Variants in IGF2R observed in about 807,000 individuals in gnomAD.
IGF2R encodes insulin like growth factor 2 receptor.
A neutral mutation model predicts 270.6 loss-of-function variants in IGF2R; 91 were observed. The observed-to-expected ratio is 0.34, with a 90% CI of 0.28 to 0.40. IGF2R has a LOEUF of 0.40. Among genes scored for constraint, IGF2R ranks in the 10% least tolerant of loss-of-function variants. The pLI is 1.00. For synonymous variants in IGF2R, 1,316 were observed against 1,258.9 expected (o/e 1.05, Z -0.96); for missense variants, 2,805 against 3,188.3 (o/e 0.88, Z 2.90).
intron 2 of IGF2R, among the ~76,000 whole-genome samples, chr6:159,993,737 G>T (rs11754118): frequency 6.6e-6 from 1 of 151,996 alleles, no homozygotes; most frequent in East Asian, 1.9e-4. Flanking sequence ...ATGAATTTTA[G>T]GATTGTTTTT....
In IGF2R at chr6:160,102,482, C is replaced by T. The variant is rs1285905833; in HGVS notation, c.6843-37C>T. On this transcript the variant is annotated intron_variant, in intron 45 of 47. Coordinates refer to ENST00000356956, the MANE Select transcript of IGF2R (RefSeq NM_000876.4). This position sits in a 1 kb window ranked among gnomAD's most constrained non-coding sequence, Gnocchi z 4.5. ...GTTGTGGCTGTGGCAGCAGGACCAC[C>T]CTGTGACACGGCTCCTTTTCTGTGA... 1 of 1,598,272 alleles carries T rather than the reference C, an allele frequency of 6.3e-7. No homozygotes were observed.
chr6:160,092,348 AC>A (rs1779245728), intron 44 of IGF2R, among the ~76,000 whole-genome samples: 1 of 152,234 alleles, frequency 6.6e-6, no homozygotes. Context: ...AGGAGTCTTC[AC>A]GCTCCATCGC....
Position 160,106,278 on chromosome 6 carries a change from C to CCG in IGF2R, c.*1194_*1195insCG, listed in dbSNP as rs1779618523. 1 of 152,728 alleles carries CCG rather than the reference C, an allele frequency of 6.5e-6. No homozygotes were observed. The highest frequency in any genetic ancestry group is 1.5e-5 in the Non-Finnish European group (1 of 68,166). 9.5% of individuals were successfully genotyped at this position (152,728 alleles called of 1,614,324 possible). Reference sequence around the variant, plus strand: ...GTCACAGCATGGAGGAGGAGGGAGGCGCTGCTGGTGTTCTTATTCTGGCGG... The same window carrying CCG: ...GTCACAGCATGGAGGAGGAGGGAGGCCGGCTGCTGGTGTTCTTATTCTGGCGG... On this transcript the variant is annotated 3_prime_UTR_variant, in exon 48 of 48. Coordinates refer to ENST00000356956, the MANE Select transcript of IGF2R (RefSeq NM_000876.4).
chr6:160,029,452 TC>T, intron 6 of IGF2R, 97 bp from the exon 7 acceptor site: 10 of 682,602 alleles, frequency 1.5e-5, no homozygotes, highest in South Asian at 6.6e-5. Context: ...TACCCTCTCC[TC>T]CCCCCCAAGT....
Position 160,064,835 on chromosome 6 carries a change from C to T in IGF2R, c.4049C>T (p.Ser1350Phe). 6.2e-7 allele frequency: 1 copy of T among 1,613,524 alleles called. No individual in the cohort carries two copies. The highest frequency in any genetic ancestry group is 1.3e-5 in the African/African-American group (1 of 75,036). ...TTTCTAAAGGAGACTTCAGATTGTT[C>T]CTACTTGTTTGAGTGGCGAACGCAG... is the stretch of plus-strand genomic sequence containing the variant. ...PVFLKETSDC[S>F]YLFEWRTQYA... The change falls in exon 29 of 48, where the codon TCC (serine) becomes TTC (phenylalanine). Residue 1350 changes from serine (S) to phenylalanine (F), a missense_variant. Physicochemically the swap from Ser to Phe is radical, Grantham distance 155 (BLOSUM62 -2). Coordinates refer to ENST00000356956, the MANE Select transcript of IGF2R (RefSeq NM_000876.4).
intron 39 of IGF2R, 75 bp from the exon 40 acceptor site, chr6:160,083,875 A>T (rs1779039540): frequency 4.1e-6 from 4 of 985,978 alleles, no homozygotes; most frequent in South Asian, 1.3e-5. Context: ...TTCAAAATGG[A>T]GTCTCTTATG....
chr6:160,057,936 G>A (rs1207262725), intron 20 of IGF2R, 87 bp from the exon 21 acceptor site: 7 of 765,008 alleles, frequency 9.2e-6, no homozygotes, highest in Non-Finnish European at 1.4e-5. Flanking sequence ...GTGCATACTT[G>A]CAGGTTTCTG....
intron 36 of IGF2R, 128 bp downstream of exon 36, chr6:160,076,124 A>G (rs1339799349): frequency 1.1e-6 from 1 of 885,972 alleles, no homozygotes; most frequent in African/African-American, 1.6e-5. Context: ...GTAAGATGGT[A>G]CGCTAGTAGT....
chr6:159,978,656 A>G (rs911581059), intron 1 of IGF2R, among the ~76,000 whole-genome samples: 1 of 151,972 alleles, frequency 6.6e-6, no homozygotes, highest in Non-Finnish European at 1.5e-5. Flanking sequence ...TGCAACTTAA[A>G]AAAAAAAAGT....
intron 41 of IGF2R, among the ~76,000 whole-genome samples, chr6:160,085,430 G>A (rs2297363): frequency 0.14 from 21,643 of 152,186 alleles, 1,661 homozygotes; most frequent in Middle Eastern, 0.26. Flanking sequence ...TGAAGTTCAC[G>A]TTCTAGCTGT....
chr6:160,033,058 G>C lies in IGF2R; in HGVS notation c.1162G>C (p.Asp388His). 2 of 1,613,190 alleles carry C rather than the reference G, an allele frequency of 1.2e-6. No individual in the cohort carries two copies. Among genetic ancestry groups the C allele is most frequent in the Non-Finnish European group, 1.7e-6 (2 of 1,179,180 alleles). ...QAAVCQVKKS[D>H]TSQVKAAGRY... ...TGCAGTTTGCCAAGTGAAAAAGAGCGATACCTCTCAAGTCAAAGCAGCAGG... is the reference window on the plus strand; with the variant it reads ...TGCAGTTTGCCAAGTGAAAAAGAGCCATACCTCTCAAGTCAAAGCAGCAGG... Residue 388 changes from aspartate (D) to histidine (H), a missense_variant, in exon 9 of 48, where the codon GAT becomes CAT. By Grantham distance (81) the Asp-to-His change is moderately conservative. Transcript: ENST00000356956.
At chr6:159,993,618 A>G (rs958913279) in intron 2 of IGF2R, among the ~76,000 whole-genome samples, 1 of 152,148 alleles carries the variant, frequency 6.6e-6, no homozygotes, top group East Asian at 1.9e-4. Flanking sequence ...TTTGATTACT[A>G]TAGCCTTCAG....
Position 160,068,370 on chromosome 6 carries a change from C to T in IGF2R, c.4237C>T (p.Pro1413Ser), listed in dbSNP as rs751981139. 6.2e-7 allele frequency: 1 copy of T among 1,614,054 alleles called. No individual in the cohort carries two copies. The highest frequency in any genetic ancestry group is 8.5e-7 in the Non-Finnish European group (1 of 1,180,032). The part of the protein sequence containing the change: ...YLINVCKSLA[P>S]QAGTEPCPPE... ...CATCAATGTCTGCAAGTCTCTGGCC[C>T]CGCAGGCTGGCACTGGTGAGAGAGG... Residue 1413 changes from proline to serine, a missense_variant, in exon 30 of 48, where the codon CCG becomes TCG. Around this residue, in one of 2 missense-constraint regions of IGF2R, gnomAD observed 1,851 missense variants for 2,207.2 expected, o/e 0.84. Transcript: ENST00000356956.
At chr6:160,047,636 A>G (rs372188962) in intron 16 of IGF2R, among the ~76,000 whole-genome samples, 156 bp from the exon 17 acceptor site, 103 of 152,328 alleles carry the variant, frequency 6.8e-4, no homozygotes, top group African/African-American at 2.0e-3. Context: ...GTTACTGGAC[A>G]GTCTTCTTTT....
At chr6:160,007,312 T>G (rs1365182993) in intron 2 of IGF2R, 1 of 152,232 alleles carries the variant, frequency 6.6e-6, no homozygotes, top group Non-Finnish European at 1.5e-5. Context: ...CCTGCTGACT[T>G]ACATAGTTGT....
intron 19 of IGF2R, among the ~76,000 whole-genome samples, chr6:160,053,713 C>T (rs997725275): frequency 6.6e-6 from 1 of 152,092 alleles, no homozygotes; most frequent in Non-Finnish European, 1.5e-5. Context: ...GTATCCATGT[C>T]CAGGACTTTT....
intron 16 of IGF2R, 45 bp from the exon 17 acceptor site, chr6:160,047,747 G>T: frequency 3.4e-6 from 4 of 1,168,418 alleles, no homozygotes; most frequent in Non-Finnish European, 5.2e-6. Flanking sequence ...TATGTCACGT[G>T]TCTTTCTCTT....
Position 159,998,696 on chromosome 6 carries a change from GTCA to G in IGF2R, c.289+7378_289+7380del, listed in dbSNP as rs1221541038. ...CCAGAGCTTGAAACTTCCAGAGGGA[GTCA>G]TCATATATACTTTCAGGACTCTCAG... On this transcript the variant is annotated intron_variant, in intron 2 of 47. Transcript: ENST00000356956. The surrounding 1 kb of genome is among the most constrained non-coding windows in gnomAD (Gnocchi z 4.1). Among the ~76,000 whole-genome samples the G allele has an allele frequency of 1.3e-5, 2 of 152,258 alleles. No homozygotes were observed. The highest frequency in any genetic ancestry group is 3.9e-4 in the East Asian group (2 of 5,182).
At chr6:160,065,688 A>G (rs958926321) in intron 29 of IGF2R, among the ~76,000 whole-genome samples, 1 of 151,530 alleles carries the variant, frequency 6.6e-6, no homozygotes, top group African/African-American at 2.4e-5. Flanking sequence ...TCTTTCTGCC[A>G]TGTGAGGCTG....
Sources: allele counts gnomAD v4.1 joint callset (sites outside exome capture counted in the v4.1 genomes callset), GRCh38; gene constraint gnomAD v4.1.1; regional missense constraint gnomAD v4.1.1; non-coding constraint Gnocchi (gnomAD v3.1); transcripts MANE v1.5; gene names NCBI Gene and HGNC (gene_info 2026-07-23, HGNC 2026-07-21).